Variants in GLIS3 observed in about 807,000 individuals in gnomAD.
The protein encoded by GLIS3 is zinc finger protein GLIS3.
Under a neutral mutation model 78.6 loss-of-function variants are expected in GLIS3, and 53 were observed. The observed-to-expected ratio is 0.67, with a 90% CI of 0.54 to 0.85. GLIS3 has a LOEUF of 0.85. GLIS3 is among the 40% of genes least tolerant of loss of function. The pLI, the probability that GLIS3 is intolerant of heterozygous loss-of-function variation, is 0.00. For synonymous variants in GLIS3, 684 were observed against 509.9 expected (o/e 1.34, Z -4.60); for missense variants, 1,703 against 1,231.1 (o/e 1.38, Z -5.74).
intron 6 of GLIS3, among the ~76,000 whole-genome samples, chr9:3,903,440 G>A (rs2130635077): frequency 6.6e-6 from 1 of 152,288 alleles, no homozygotes; most frequent in Non-Finnish European, 1.5e-5. Context: ...TATTTCAAAG[G>A]ACTGCCGTGT....
chr9:3,978,385 G>C (rs1030274293), intron 4 of GLIS3, among the ~76,000 whole-genome samples: 2 of 152,036 alleles, frequency 1.3e-5, no homozygotes, highest in South Asian at 2.1e-4. Flanking sequence ...ATGGGAATAT[G>C]TGTGTACACT....
At chr9:4,482,320 T>C in the GLIS3 span, among the ~76,000 whole-genome samples, 1 of 152,260 alleles carries the variant, frequency 6.6e-6, no homozygotes, top group Non-Finnish European at 1.5e-5. Context: ...AGTATCTTTA[T>C]AAAATATTAC....
At chr9:4,485,165 C>T in the GLIS3 span, among the ~76,000 whole-genome samples, 2 of 151,936 alleles carry the variant, frequency 1.3e-5, no homozygotes, top group Non-Finnish European at 2.9e-5. Context: ...CAGGCACTCA[C>T]GACCATGCCC....
chr9:4,155,203 A>G (rs901606884), intron 2 of GLIS3, among the ~76,000 whole-genome samples: 1 of 152,232 alleles, frequency 6.6e-6, no homozygotes, highest in Non-Finnish European at 1.5e-5. Context: ...CTCTGAAGAA[A>G]AAAATACTAG....
chr9:4,185,877 A>C (rs1039596430), intron 2 of GLIS3, among the ~76,000 whole-genome samples: 2 of 152,204 alleles, frequency 1.3e-5, no homozygotes, highest in Non-Finnish European at 2.9e-5. Context: ...GCCCAGGGAC[A>C]TGTTCCACAC....
chr9:4,286,051 T>C lies in GLIS3; in HGVS notation c.375A>G (p.Pro125=). 1 of 1,614,030 alleles carries C rather than the reference T, an allele frequency of 6.2e-7. No individual in the cohort carries two copies. Among genetic ancestry groups the C allele is most frequent in the Non-Finnish European group, 8.5e-7 (1 of 1,179,964 alleles). ...KQQEFGSPFP[P]NPGKGALGFG... Reference sequence around the variant, plus strand: ...AGACAATCCTACCTTTCCCAGGATTTGGAGGAAAAGGGCTTCCAAACTCCT... The same window carrying C: ...AGACAATCCTACCTTTCCCAGGATTCGGAGGAAAAGGGCTTCCAAACTCCT... Residue 125 remains proline, a synonymous_variant, in exon 2 of 11, where the codon CCA becomes CCG. Coordinates refer to ENST00000381971, the MANE Select transcript of GLIS3 (RefSeq NM_001042413.2).
chr9:4,305,031 A>C (rs192852248), upstream of GLIS3, among the ~76,000 whole-genome samples: 184 of 152,250 alleles, frequency 1.2e-3, 2 homozygotes, highest in African/African-American at 3.3e-3. Flanking sequence ...CTCATGATCT[A>C]CATTTTTTTT....
Position 4,117,634 on chromosome 9 carries a change from A to T in GLIS3, c.1710+134T>A, listed in dbSNP as rs565029779. ...AGAAATCTTCCCCTTCCTCAAGCTG[A>T]AGGGGAACCCCATCTCATGGATACC... On this transcript the variant is annotated intron_variant, in intron 4 of 10. Coordinates refer to ENST00000381971, the MANE Select transcript of GLIS3 (RefSeq NM_001042413.2). The T allele has an allele frequency of 1.0e-5, 10 of 971,170 alleles. No individual in the cohort carries two copies. The African/African-American group carries it at 1.1e-4, about 11-fold the overall frequency. 60.2% of individuals were successfully genotyped at this position (971,170 alleles called of 1,614,324 possible). A position where few individuals can be genotyped will look rare whatever the true frequency, so the allele number is the denominator to read the frequency against.
intron 4 of GLIS3, among the ~76,000 whole-genome samples, chr9:3,968,728 T>C (rs1588342091): frequency 2.0e-5 from 3 of 152,308 alleles, no homozygotes; most frequent in Admixed American, 1.3e-4. Context: ...TTGTTATAAA[T>C]TGAAGAACTC....
intron 4 of GLIS3, among the ~76,000 whole-genome samples, chr9:3,982,652 G>C (rs1011111604): frequency 6.6e-6 from 1 of 152,108 alleles, no homozygotes; most frequent in Non-Finnish European, 1.5e-5. Flanking sequence ...TTCTGTTTCT[G>C]GCCAGTCAGA....
intron 1 of GLIS3, 100 bp downstream of exon 1, chr9:4,299,321 C>T (rs1157605183): frequency 6.6e-6 from 1 of 152,184 alleles, no homozygotes; most frequent in Non-Finnish European, 1.5e-5. Context: ...ATTTGTAATC[C>T]CTAGTTTGCG....
At chr9:4,336,968 G>C (rs770635203) in intron 2 of GLIS3, among the ~76,000 whole-genome samples, 1 of 152,068 alleles carries the variant, frequency 6.6e-6, no homozygotes, top group Non-Finnish European at 1.5e-5. Context: ...ATTTCCAGAG[G>C]ACAGAATATA....
intron 9 of GLIS3, among the ~76,000 whole-genome samples, chr9:3,833,759 T>C (rs937821967): frequency 6.6e-6 from 1 of 152,220 alleles, no homozygotes; most frequent in African/African-American, 2.4e-5. Flanking sequence ...ATACATTTAA[T>C]TTCAGAATCA....
At chr9:4,347,267 G>A (rs939407327) in intron 1 of GLIS3, 2 of 152,158 alleles carry the variant, frequency 1.3e-5, no homozygotes, top group African/African-American at 4.8e-5. Context: ...AACTAATAGA[G>A]CAAGAACTCA....
At chr9:4,128,325 T>C (rs1032210353) in intron 2 of GLIS3, among the ~76,000 whole-genome samples, 2 of 152,230 alleles carry the variant, frequency 1.3e-5, no homozygotes, top group South Asian at 2.1e-4. Flanking sequence ...TCAGCACCTA[T>C]AGTGCTTCAG....
rs1822543399 is a variant in GLIS3, at chr9:4,234,516, T to C, written c.388+51522A>G. On this transcript the variant is annotated intron_variant, in intron 2 of 10. Transcript: ENST00000381971. ...TTATATGGGCCAGTTCATGACACCC[T>C]AAAACAATTACAATAGTAACACAAA... Among the ~76,000 whole-genome samples the C allele has an allele frequency of 2.6e-5, 4 of 152,182 alleles. No homozygotes were observed. The South Asian group carries it at 8.3e-4, about 32-fold the overall frequency.
At chr9:4,486,749 G>C in the GLIS3 span, among the ~76,000 whole-genome samples, 1 of 152,170 alleles carries the variant, frequency 6.6e-6, no homozygotes, top group Non-Finnish European at 1.5e-5. Context: ...GAGTGCAGTG[G>C]TGCAATCATA....
chr9:3,905,497 T>C (rs1425068803), intron 6 of GLIS3, among the ~76,000 whole-genome samples: 1 of 152,194 alleles, frequency 6.6e-6, no homozygotes, highest in Non-Finnish European at 1.5e-5. Context: ...TGTTTGGTTT[T>C]CACTGTCCCC....
At chr9:4,411,289 C>T in the GLIS3 span, among the ~76,000 whole-genome samples, 1 of 152,164 alleles carries the variant, frequency 6.6e-6, no homozygotes, top group Non-Finnish European at 1.5e-5. Flanking sequence ...TGCAAACATG[C>T]CATTTAGATC....
Sources: gnomAD v4.1 joint callset for allele counts (sites outside exome capture counted in the v4.1 genomes callset) on GRCh38, gnomAD v4.1.1 for gene constraint, MANE v1.5 for transcripts, NCBI Gene and HGNC (gene_info 2026-07-23, HGNC 2026-07-21) for gene names.